The following SOX5 variants were observed in gnomAD, a reference collection of about 807,000 sequenced individuals.
The protein encoded by SOX5 is SRY-box transcription factor 5, also known as transcription factor SOX-5.
Under a neutral mutation model 92.0 loss-of-function variants are expected in SOX5, and 9 were observed. The observed-to-expected ratio is 0.10, with a 90% CI of 0.06 to 0.17. SOX5 has a LOEUF of 0.17. SOX5 is among the 10% of genes least tolerant of loss of function. SOX5 has a pLI of 1.00. For missense variants in SOX5, 642 were observed against 944.5 expected, an observed-to-expected ratio of 0.68 and a Z score of 4.20; for synonymous variants, 344 against 336.3, an observed-to-expected ratio of 1.02 and a Z score of -0.25.
intron 1 of SOX5, among the ~76,000 whole-genome samples, chr12:24,497,177 T>C (rs978888191): frequency 2.0e-5 from 3 of 152,210 alleles, no homozygotes; most frequent in African/African-American, 7.2e-5. Context: ...GAAGGAAAAT[T>C]AATAAGATGT....
chr12:24,294,605 A>C lies in SOX5; in HGVS notation c.-173-17293T>G, dbSNP rs151164036. 1.5e-4 allele frequency among the ~76,000 whole-genome samples: 23 copies of C among 152,194 alleles called. No homozygotes were observed. The East Asian group carries it at 4.5e-3, about 29-fold the overall frequency. ...ACATGGAATGGAGTCACCAAAATGC[A>C]CAGCGTCCAGCAGGTTTAAACAGTT... On this transcript the variant is annotated intron_variant, in intron 2 of 4. Coordinates refer to the SOX5 transcript ENST00000446891.
intron 1 of SOX5, among the ~76,000 whole-genome samples, chr12:24,513,847 T>G (rs1330287489): frequency 6.6e-6 from 1 of 152,236 alleles, no homozygotes; most frequent in East Asian, 1.9e-4. Context: ...ACACAATGCT[T>G]TTCCTAATAT....
intron 8 of SOX5, among the ~76,000 whole-genome samples, chr12:23,631,311 A>G (rs78094647): frequency 0.079 from 11,989 of 152,156 alleles, 619 homozygotes; most frequent in Non-Finnish European, 0.11. Context: ...GAATACTAGT[A>G]AAATAAACTA....
At chr12:24,058,446 G>A (rs1176885936) in intron 4 of SOX5, among the ~76,000 whole-genome samples, 1 of 152,134 alleles carries the variant, frequency 6.6e-6, no homozygotes, top group Admixed American at 6.5e-5. Flanking sequence ...ACATCCCCTC[G>A]TAGGTAACCC....
chr12:23,938,312 C>T (rs1008602833), intron 1 of SOX5, among the ~76,000 whole-genome samples: 2 of 150,990 alleles, frequency 1.3e-5, no homozygotes, highest in South Asian at 2.1e-4. Flanking sequence ...TTTCTTCAAG[C>T]TTAACCTACA....
chr12:23,850,212 C>T (rs887703913), intron 2 of SOX5, among the ~76,000 whole-genome samples: 5 of 151,968 alleles, frequency 3.3e-5, no homozygotes, highest in African/African-American at 7.3e-5. Context: ...GGGCAGATCA[C>T]GAGGTCAAGA....
chr12:24,088,809 G>A (rs1209080110), intron 4 of SOX5, among the ~76,000 whole-genome samples: 2 of 152,016 alleles, frequency 1.3e-5, no homozygotes, highest in African/African-American at 4.8e-5. Context: ...AGTGGATTAT[G>A]GCAGTAAATT....
chr12:24,305,472 A>G (rs1948461806), intron 2 of SOX5, among the ~76,000 whole-genome samples: 1 of 152,228 alleles, frequency 6.6e-6, no homozygotes, highest in Admixed American at 6.5e-5. Context: ...AAGCAGATAA[A>G]GAGTGTCTGC....
intron 4 of SOX5, among the ~76,000 whole-genome samples, chr12:24,193,197 C>T (rs767871432): frequency 3.3e-5 from 5 of 152,194 alleles, no homozygotes; most frequent in Non-Finnish European, 7.3e-5. Context: ...ACAGAACCTG[C>T]AGGAAGATAT....
chr12:24,534,698 A>G (rs1422289081), intron 1 of SOX5, among the ~76,000 whole-genome samples: 2 of 152,238 alleles, frequency 1.3e-5, no homozygotes, highest in Non-Finnish European at 2.9e-5. Flanking sequence ...GAGCTGAGCA[A>G]GCTGTGCTTG....
intron 3 of SOX5, among the ~76,000 whole-genome samples, chr12:24,265,199 T>C (rs1288781522): frequency 6.6e-6 from 1 of 152,222 alleles, no homozygotes; most frequent in East Asian, 1.9e-4. Flanking sequence ...TTAGAAGAAA[T>C]AACTTAGATT....
At chr12:23,752,605 T>C (rs1279759408) in intron 4 of SOX5, among the ~76,000 whole-genome samples, 1 of 151,782 alleles carries the variant, frequency 6.6e-6, no homozygotes, top group Non-Finnish European at 1.5e-5. Context: ...GTGTGACTAT[T>C]GGTTGCCAGC....
chr12:23,775,886 C>T (rs527625123), intron 3 of SOX5, among the ~76,000 whole-genome samples: 26 of 152,262 alleles, frequency 1.7e-4, no homozygotes, highest in Admixed American at 1.3e-4. Flanking sequence ...TCTAACGCCA[C>T]GGTCTCCAAC....
At chr12:23,851,890 G>T (rs1232967311) in intron 2 of SOX5, among the ~76,000 whole-genome samples, 2 of 152,052 alleles carry the variant, frequency 1.3e-5, no homozygotes, top group Non-Finnish European at 2.9e-5. Flanking sequence ...AGTGGGCCTG[G>T]AATCTATCTT....
At chr12:24,339,424 G>A (rs956713451) in intron 2 of SOX5, among the ~76,000 whole-genome samples, 3 of 151,970 alleles carry the variant, frequency 2.0e-5, no homozygotes, top group African/African-American at 7.3e-5. Flanking sequence ...AGGTGAGAGG[G>A]GCATGATGGT....
intron 2 of SOX5, among the ~76,000 whole-genome samples, chr12:23,874,466 T>C (rs1199222779): frequency 2.6e-5 from 4 of 152,188 alleles, no homozygotes; most frequent in African/African-American, 9.7e-5. Context: ...AATTAAAGTA[T>C]TCTCTTTTTA....
At chr12:24,365,693 T>TTTTTTTTTTTTTTTTTTTTTTTTTTTGAG (rs1446820122) in intron 2 of SOX5, among the ~76,000 whole-genome samples, 2 of 150,916 alleles carry the variant, frequency 1.3e-5, no homozygotes, top group Non-Finnish European at 3.0e-5. Context: ...AATACTTTTT[T>TTTTTTTTTTTTTTTTTTTTTTTTTTTGAG]AACTGAAGTT....
intron 1 of SOX5, among the ~76,000 whole-genome samples, chr12:23,899,338 T>A (rs1251516566): frequency 6.7e-6 from 1 of 149,912 alleles, no homozygotes; most frequent in East Asian, 2.0e-4. Flanking sequence ...GAGGCAGAGG[T>A]TGTAGTGAGC....
At chr12:24,060,442 T>C (rs539423182) in intron 4 of SOX5, among the ~76,000 whole-genome samples, 1 of 152,352 alleles carries the variant, frequency 6.6e-6, no homozygotes, top group South Asian at 2.1e-4. Flanking sequence ...ACAGTCCATA[T>C]TCTTATATAC....
Sources: gnomAD v4.1 joint callset for allele counts (sites outside exome capture counted in the v4.1 genomes callset) on GRCh38, gnomAD v4.1.1 for gene constraint, MANE v1.5 for transcripts, NCBI Gene and HGNC (gene_info 2026-07-23, HGNC 2026-07-21) for gene names.